Variants in FILIP1 observed in about 807,000 individuals in gnomAD.
FILIP1 encodes the protein filamin A interacting protein 1.
In FILIP1, 61 loss-of-function variants were observed where a neutral mutation model predicts 102.1. The ratio of observed to expected loss-of-function variants is 0.60; its 90% CI spans 0.49 to 0.74. The LOEUF (loss-of-function observed/expected upper bound fraction) is 0.74. FILIP1 is among the 30% of genes least tolerant of loss of function. The probability of loss-of-function intolerance (pLI) is 0.00; values close to 1 mark genes in which losing one functional copy is unlikely to be tolerated. For missense variants in FILIP1, 1,314 were observed against 1,441.2 expected (o/e 0.91, Z 1.43); for synonymous variants, 491 against 526.9 (o/e 0.93, Z 0.93).
At chr6:75,472,328 A>G (rs979794675) in intron 1 of FILIP1, among the ~76,000 whole-genome samples, 1 of 152,110 alleles carries the variant, frequency 6.6e-6, no homozygotes, top group Admixed American at 6.6e-5. Context: ...TTCTAAAATG[A>G]TTATTCTGGA....
chr6:75,438,447 CAG>C (rs1292457990), intron 1 of FILIP1, among the ~76,000 whole-genome samples: 1 of 152,074 alleles, frequency 6.6e-6, no homozygotes, highest in African/African-American at 2.4e-5. Flanking sequence ...AAAATGGAAA[CAG>C]AAATTATACT....
intron 2 of FILIP1, among the ~76,000 whole-genome samples, chr6:75,374,442 G>T (rs998873197): frequency 6.6e-6 from 1 of 152,046 alleles, no homozygotes; most frequent in African/African-American, 2.4e-5. Context: ...ACAGTGGTGC[G>T]ATCTCAGCTC....
At chr6:75,420,245 A>G (rs1309006655) in intron 1 of FILIP1, among the ~76,000 whole-genome samples, 1 of 152,030 alleles carries the variant, frequency 6.6e-6, no homozygotes, top group Non-Finnish European at 1.5e-5. Flanking sequence ...GTTCTGTTTA[A>G]TATCCTTCAA....
intron 1 of FILIP1, among the ~76,000 whole-genome samples, chr6:75,490,050 A>G (rs975742561): frequency 1.3e-5 from 2 of 152,108 alleles, no homozygotes; most frequent in African/African-American, 4.8e-5. Flanking sequence ...AAAATCTTAT[A>G]TCTTAAGGCA....
At position 75,475,018 on chromosome 6, in the gene FILIP1, A is replaced by T. The variant is rs142064093; in HGVS notation, c.-7+18396T>A. 1.9e-4 allele frequency among the ~76,000 whole-genome samples: 29 copies of T among 152,224 alleles called. 1 individual carries two copies. The highest frequency in any genetic ancestry group is 5.8e-4 in the African/African-American group (24 of 41,528). Reference sequence around the variant, plus strand: ...TTTCCTGAGGCCTCCCCAAGAGCCAAGCATATGCCAGCATCACGCTTCCTG... The same window carrying T: ...TTTCCTGAGGCCTCCCCAAGAGCCATGCATATGCCAGCATCACGCTTCCTG... On this transcript the variant is annotated intron_variant, in intron 1 of 5. Transcript: ENST00000237172.
In FILIP1 at chr6:75,315,068, T is replaced by C. The variant is rs1214263512; in HGVS notation, c.764A>G (p.Gln255Arg). The change falls in exon 5 of 6, where the codon CAA (glutamine) becomes CGA (arginine). Residue 255 changes from glutamine to arginine, a missense_variant. By Grantham distance (43) the Gln-to-Arg change is conservative. Coordinates refer to ENST00000237172, the MANE Select transcript of FILIP1 (RefSeq NM_015687.5). ...SFALMLVDER[Q>R]MHIEQLGLQS... The stretch of plus-strand genomic sequence containing the variant: ...CAGGCCAAGTTGTTCAATGTGCATT[T>C]GTCTTTCATCCACCAGCATGAGTGC... The C allele has an allele frequency of 6.2e-7, 1 of 1,614,168 alleles. No individual in the cohort carries two copies. Among genetic ancestry groups the C allele is most frequent in the South Asian group, 1.1e-5 (1 of 91,072 alleles).
At chr6:75,300,124 TA>T (rs200145220) in intron 6 of FILIP1, among the ~76,000 whole-genome samples, 3 of 149,136 alleles carry the variant, frequency 2.0e-5, no homozygotes, top group African/African-American at 2.5e-5. Context: ...GCTCTACATT[TA>T]AAAAAAAAAC....
rs561890165 is a variant in FILIP1, at chr6:75,490,917, C to CT, written c.-7+2496dup. Among the ~76,000 whole-genome samples the CT allele has an allele frequency of 1.4e-3, 215 of 152,208 alleles. 2 individuals carry two copies. Among genetic ancestry groups the CT allele is most frequent in the African/African-American group, 4.6e-3 (192 of 41,554 alleles). On this transcript the variant is annotated intron_variant, in intron 1 of 5. Coordinates refer to ENST00000237172, the MANE Select transcript of FILIP1 (RefSeq NM_015687.5). ...TTCTCATGTACTTATCATCAGATATCTAGAGCCACAAATGTGAATGGAACA... is the reference window on the plus strand; with the variant it reads ...TTCTCATGTACTTATCATCAGATATCTTAGAGCCACAAATGTGAATGGAACA...
chr6:75,431,938 T>G (rs1777836998), intron 1 of FILIP1, among the ~76,000 whole-genome samples: 1 of 152,180 alleles, frequency 6.6e-6, no homozygotes, highest in African/African-American at 2.4e-5. Flanking sequence ...ATACATGAAT[T>G]GTCTAAAAAT....
At chr6:75,491,083 C>T (rs9360911) in intron 1 of FILIP1, among the ~76,000 whole-genome samples, 71,721 of 151,818 alleles carry the variant, frequency 0.47, 17,259 homozygotes, top group Middle Eastern at 0.52. Context: ...TAACAGAGCA[C>T]CAAGCTGTCT....
At chr6:75,344,486 C>T (rs1014822301) in intron 4 of FILIP1, among the ~76,000 whole-genome samples, 2 of 152,250 alleles carry the variant, frequency 1.3e-5, no homozygotes, top group East Asian at 1.9e-4. Flanking sequence ...AACACTGGGC[C>T]TACCAACTAA....
chr6:75,306,621 C>T (rs1395297748), downstream of FILIP1, among the ~76,000 whole-genome samples: 1 of 152,172 alleles, frequency 6.6e-6, no homozygotes, highest in Non-Finnish European at 1.5e-5. Flanking sequence ...TGTCAGTATT[C>T]CAAATGGCAA....
At chr6:75,450,629 A>G (rs1778595535) in intron 1 of FILIP1, among the ~76,000 whole-genome samples, 1 of 150,224 alleles carries the variant, frequency 6.7e-6, no homozygotes, top group African/African-American at 2.5e-5. Flanking sequence ...GGGGAACAGA[A>G]TAAGAACTTC....
chr6:75,482,281 T>C (rs1452117321), intron 1 of FILIP1, among the ~76,000 whole-genome samples: 1 of 152,194 alleles, frequency 6.6e-6, no homozygotes, highest in Non-Finnish European at 1.5e-5. Flanking sequence ...ACTCAATACA[T>C]CCTTTTGGAG....
At chr6:75,333,281 T>A (rs1180993161) in intron 4 of FILIP1, among the ~76,000 whole-genome samples, 1 of 152,166 alleles carries the variant, frequency 6.6e-6, no homozygotes, top group Admixed American at 6.6e-5. Context: ...TTAACATTTA[T>A]TTAATAATTA....
intron 1 of FILIP1, among the ~76,000 whole-genome samples, chr6:75,441,334 G>C (rs1179698923): frequency 6.6e-6 from 1 of 152,176 alleles, no homozygotes; most frequent in Admixed American, 6.5e-5. Flanking sequence ...CAAGGCAAAA[G>C]AATTTTTCTT....
exon 7 of FILIP1, chr6:75,292,015 A>G (rs1418439980): frequency 6.6e-6 from 1 of 152,260 alleles, no homozygotes; most frequent in Non-Finnish European, 1.5e-5. Context: ...TTGGTTAAAT[A>G]ATTTCAATGA....
intron 3 of FILIP1, chr6:75,357,506 A>G (rs1024101210): frequency 3.3e-5 from 5 of 152,270 alleles, no homozygotes; most frequent in African/African-American, 1.2e-4. Context: ...CCTCACCAAC[A>G]CTAGCACAGC....
At chr6:75,396,093 G>T (rs902551289) in intron 2 of FILIP1, among the ~76,000 whole-genome samples, 3 of 151,644 alleles carry the variant, frequency 2.0e-5, no homozygotes, top group African/African-American at 4.9e-5. Context: ...TAATGAAAAA[G>T]AATACTCTCC....
Sources: allele counts gnomAD v4.1 joint callset (sites outside exome capture counted in the v4.1 genomes callset), GRCh38; gene constraint gnomAD v4.1.1; transcripts MANE v1.5; gene names NCBI Gene and HGNC (gene_info 2026-07-23, HGNC 2026-07-21).